The following VPS13B variants were observed in gnomAD, a reference collection of about 807,000 sequenced individuals.
VPS13B encodes intermembrane lipid transfer protein VPS13B.
In VPS13B, 285 loss-of-function variants were observed where a neutral mutation model predicts 426.4. That is an observed-to-expected ratio of 0.67 (90% CI 0.61 to 0.74). The LOEUF (loss-of-function observed/expected upper bound fraction) is 0.74, where lower values mean the gene tolerates loss of function less well. Ranked by LOEUF, VPS13B falls within the 30% of genes least tolerant of loss-of-function variation. The pLI, the probability that VPS13B is intolerant of heterozygous loss-of-function variation, is 0.00. For synonymous variants in VPS13B, 1,676 were observed against 1,676.4 expected, an observed-to-expected ratio of 1.00 and a Z score of 0.01; for missense variants, 4,537 against 4,782.6, an observed-to-expected ratio of 0.95 and a Z score of 1.51.
At chr8:99,392,643 G>T (rs1814507054) in intron 21 of VPS13B, among the ~76,000 whole-genome samples, 1 of 152,022 alleles carries the variant, frequency 6.6e-6, no homozygotes, top group Non-Finnish European at 1.5e-5. Context: ...AATCATATAT[G>T]CAAGGAAATT....
chr8:99,740,542 C>A (rs956740631), intron 39 of VPS13B, among the ~76,000 whole-genome samples: 6 of 151,972 alleles, frequency 3.9e-5, no homozygotes, highest in African/African-American at 1.5e-4. Context: ...AAAGTTGAAA[C>A]AATGGAAAAA....
chr8:99,228,790 C>T (rs566801726), intron 17 of VPS13B, among the ~76,000 whole-genome samples: 5 of 152,002 alleles, frequency 3.3e-5, no homozygotes, highest in African/African-American at 1.2e-4. Context: ...TATATAAGCA[C>T]GTAATTATAA....
At chr8:99,634,995 G>T (rs755748434) in intron 33 of VPS13B, among the ~76,000 whole-genome samples, 5 of 151,904 alleles carry the variant, frequency 3.3e-5, no homozygotes, top group African/African-American at 1.2e-4. Context: ...AGCTTCCAGT[G>T]TAGATTATCT....
chr8:99,843,247 C>T (rs1815802538), intron 54 of VPS13B, among the ~76,000 whole-genome samples: 2 of 152,132 alleles, frequency 1.3e-5, no homozygotes, highest in Admixed American at 1.3e-4. Context: ...GTATATGTCA[C>T]CTAGAGCCTT....
intron 4 of VPS13B, among the ~76,000 whole-genome samples, chr8:99,097,178 T>C (rs1422748001): frequency 6.6e-6 from 1 of 152,210 alleles, no homozygotes; most frequent in African/African-American, 2.4e-5. Flanking sequence ...GATAGCTAGC[T>C]TCTCTGCCAT....
intron 19 of VPS13B, among the ~76,000 whole-genome samples, chr8:99,343,393 T>G (rs1185379280): frequency 6.6e-6 from 1 of 152,138 alleles, no homozygotes; most frequent in African/African-American, 2.4e-5. Context: ...CCCGGCTGAT[T>G]GCCCATTTTT....
intron 23 of VPS13B, 48 bp from the exon 24 acceptor site, chr8:99,467,364 TTG>T (rs760127218): frequency 2.7e-5 from 41 of 1,531,952 alleles, no homozygotes; most frequent in Non-Finnish European, 3.2e-5. Flanking sequence ...TGAAAATTAA[TTG>T]TCTTTTTGTT....
At chr8:99,129,613 A>G (rs1425146658) in intron 8 of VPS13B, among the ~76,000 whole-genome samples, 1 of 151,934 alleles carries the variant, frequency 6.6e-6, no homozygotes, top group Non-Finnish European at 1.5e-5. Context: ...GTAAAAAGAA[A>G]AAAAAGATAT....
At chr8:99,533,985 C>T (rs1198469614) in intron 30 of VPS13B, among the ~76,000 whole-genome samples, 2 of 152,102 alleles carry the variant, frequency 1.3e-5, no homozygotes, top group Admixed American at 6.6e-5. Context: ...TGGTTTTTGG[C>T]AAAGGTATGT....
At position 99,778,777 on chromosome 8, in the gene VPS13B, C is replaced by T; in HGVS notation, c.7525C>T (p.Leu2509Phe). Reference protein sequence around the residue: ...IVSFREPHMYLRQWNNGSVCQ... With the variant: ...IVSFREPHMYFRQWNNGSVCQ... ...TTCCTTCAGAGAACCACACATGTAT[C>T]TTCGACAGTGGAATAATGGTTCTGT... is the stretch of plus-strand genomic sequence containing the variant. Residue 2509 changes from leucine (L) to phenylalanine (F), a missense_variant, in exon 42 of 62, where the codon CTT becomes TTT. Transcript: ENST00000357162. 6.2e-7 allele frequency: 1 copy of T among 1,613,948 alleles called. No individual in the cohort carries two copies. Among genetic ancestry groups the T allele is most frequent in the African/African-American group, 1.3e-5 (1 of 75,006 alleles).
chr8:99,664,892 C>T (rs1830414451), intron 35 of VPS13B, among the ~76,000 whole-genome samples: 1 of 152,222 alleles, frequency 6.6e-6, no homozygotes, highest in Non-Finnish European at 1.5e-5. Context: ...GAAATCGCCA[C>T]ACTGACTTCC....
At chr8:99,601,782 G>A (rs566770500) in intron 33 of VPS13B, among the ~76,000 whole-genome samples, 22 of 152,208 alleles carry the variant, frequency 1.4e-4, no homozygotes, top group Non-Finnish European at 2.5e-4. Context: ...ATGTTTGTTG[G>A]CTGCATAAAC....
In VPS13B at chr8:99,870,821, A is replaced by G; in HGVS notation, c.11429A>G (p.Lys3810Arg). ...GGAGCTGGACTTTCTCAGCTTCCCA[A>G]ACAGCGCCATCAGCCAAGTGATCTA... The part of the protein sequence containing the change: ...LHGAGLSQLP[K>R]QRHQPSDLHA... Residue 3810 changes from lysine to arginine, a missense_variant, in exon 60 of 62, where the codon AAA becomes AGA. This residue lies in a region of VPS13B where 4,311 missense variants were observed against 4,474.3 expected (regional missense o/e 0.96). Coordinates refer to ENST00000357162, the MANE Select transcript of VPS13B (RefSeq NM_152564.5). The G allele has an allele frequency of 6.2e-7, 1 of 1,614,196 alleles. No individual in the cohort carries two copies. The highest frequency in any genetic ancestry group is 8.5e-7 in the Non-Finnish European group (1 of 1,180,026).
At chr8:99,641,664 C>A in intron 33 of VPS13B, 147 bp from the exon 34 acceptor site, 1 of 721,016 alleles carries the variant, frequency 1.4e-6, no homozygotes, top group South Asian at 2.5e-5. Flanking sequence ...AGAAAATGGG[C>A]ACCTATTCTA....
At chr8:99,292,294 A>G (rs568297741) in intron 19 of VPS13B, among the ~76,000 whole-genome samples, 30 of 152,296 alleles carry the variant, frequency 2.0e-4, no homozygotes, top group African/African-American at 7.2e-4. Context: ...TATCAAGTTA[A>G]TATAAGAAGC....
At position 99,502,950 on chromosome 8, in the gene VPS13B, G is replaced by A. The variant is rs568346688; in HGVS notation, c.4157G>A (p.Arg1386Lys). 1.3e-6 allele frequency: 2 copies of A among 1,577,642 alleles called. No homozygotes were observed. The highest frequency in any genetic ancestry group is 2.7e-5 in the African/African-American group (2 of 74,214). The change falls in exon 27 of 62, where the codon AGG becomes AAG. Residue 1386 changes from arginine to lysine, a missense_variant and splice_region_variant. Physicochemically the swap from Arg to Lys is conservative, Grantham distance 26. Transcript: ENST00000357162. ...TTCAATATTGATCACTATAGAAGCA[G>A]GTAAATAATGAATAATGAATATAAG... ...ESFNIDHYRS[R>K]PGEGWQSGHF...
chr8:99,873,575 C>T (rs1817543789), intron 61 of VPS13B, among the ~76,000 whole-genome samples: 1 of 152,164 alleles, frequency 6.6e-6, no homozygotes, highest in South Asian at 2.1e-4. Flanking sequence ...GGCCAGTGTG[C>T]CTTCAGCCTC....
intron 39 of VPS13B, among the ~76,000 whole-genome samples, chr8:99,743,971 A>G (rs1231441821): frequency 6.6e-6 from 1 of 152,234 alleles, no homozygotes; most frequent in Non-Finnish European, 1.5e-5. Context: ...CAAAATTGAC[A>G]AATGGGATCT....
intron 33 of VPS13B, among the ~76,000 whole-genome samples, chr8:99,632,463 G>C (rs1393739046): frequency 6.6e-6 from 1 of 151,918 alleles, no homozygotes; most frequent in Non-Finnish European, 1.5e-5. Flanking sequence ...TGACATATCA[G>C]CATATTAAAA....
Sources: gnomAD v4.1 joint callset for allele counts (sites outside exome capture counted in the v4.1 genomes callset) on GRCh38, gnomAD v4.1.1 for gene constraint, gnomAD v4.1.1 regional missense constraint, MANE v1.5 for transcripts, NCBI Gene and HGNC (gene_info 2026-07-23, HGNC 2026-07-21) for gene names.